Variants in OXR1 observed in about 807,000 individuals in gnomAD.
The protein encoded by OXR1 is oxidation resistance 1, also known as oxidation resistance protein 1.
In OXR1, 41 loss-of-function variants were observed where a neutral mutation model predicts 104.6. The observed-to-expected ratio is 0.39, with a 90% CI of 0.31 to 0.51. OXR1 has a LOEUF of 0.51. OXR1 is among the 20% of genes least tolerant of loss of function. The probability of loss-of-function intolerance (pLI) is 0.77; values close to 1 mark genes in which losing one functional copy is unlikely to be tolerated. For missense variants in OXR1, 955 were observed against 1,031.9 expected (o/e 0.93, Z 1.02); for synonymous variants, 348 against 348.4 (o/e 1.00, Z 0.01).
At chr8:106,491,077 A>G (rs1405761567) in intron 2 of OXR1, among the ~76,000 whole-genome samples, 1 of 152,234 alleles carries the variant, frequency 6.6e-6, no homozygotes, top group Middle Eastern at 3.4e-3. Context: ...CTCTTTTCAG[A>G]TCTGCTTCCT....
intron 3 of OXR1, chr8:106,618,197 C>A: frequency 6.5e-7 from 1 of 1,530,230 alleles, no homozygotes; most frequent in Non-Finnish European, 8.8e-7. Flanking sequence ...TGTGTAAGTG[C>A]TCTCTTAGTG....
chr8:106,718,966 CTT>C (rs964800153), intron 11 of OXR1, among the ~76,000 whole-genome samples: 9 of 152,042 alleles, frequency 5.9e-5, no homozygotes, highest in African/African-American at 1.9e-4. Flanking sequence ...GTGAACCAAA[CTT>C]ATGTTTTTGG....
intron 2 of OXR1, among the ~76,000 whole-genome samples, chr8:106,454,915 T>C (rs1367881399): frequency 1.3e-5 from 2 of 152,206 alleles, no homozygotes; most frequent in African/African-American, 2.4e-5. Flanking sequence ...TGCCACCCTC[T>C]GAGCATTTTG....
At chr8:106,406,037 T>G (rs2130492466) in intron 2 of OXR1, among the ~76,000 whole-genome samples, 1 of 152,326 alleles carries the variant, frequency 6.6e-6, no homozygotes, top group South Asian at 2.1e-4. Flanking sequence ...AATCATTCTC[T>G]TATTCCTCCA....
intron 3 of OXR1, among the ~76,000 whole-genome samples, chr8:106,528,788 C>T (rs1031847893): frequency 6.6e-6 from 1 of 152,186 alleles, no homozygotes; most frequent in East Asian, 1.9e-4. Flanking sequence ...TGACCTGGAA[C>T]GTTCTCTCCA....
chr8:106,727,057 A>ATT (rs886312140), intron 11 of OXR1, among the ~76,000 whole-genome samples: 1 of 152,210 alleles, frequency 6.6e-6, no homozygotes, highest in African/African-American at 2.4e-5. Context: ...AAATATTAAA[A>ATT]TTTTAATAGG....
At position 106,551,851 on chromosome 8, in the gene OXR1, T is replaced by C. The variant is rs1815847951; in HGVS notation, c.220+32712T>C. Among the ~76,000 whole-genome samples the C allele has an allele frequency of 3.5e-5, 4 of 112,922 alleles. No individual in the cohort carries two copies. In the Admixed American group the frequency reaches 4.0e-4, roughly 11 times the overall value. The allele number at this position is 112,922 out of a possible 152,430, so 74.1% of individuals were successfully genotyped here. Reference sequence around the variant, plus strand: ...ACATATATATATGTGTACATATATGTGTATATATATGTGTGTGTGTGTGTG... The same window carrying C: ...ACATATATATATGTGTACATATATGCGTATATATATGTGTGTGTGTGTGTG... On this transcript the variant is annotated intron_variant, in intron 3 of 16. Transcript: ENST00000517566.
chr8:106,660,884 G>A (rs1477663907), intron 3 of OXR1, among the ~76,000 whole-genome samples: 4 of 152,062 alleles, frequency 2.6e-5, no homozygotes, highest in African/African-American at 4.8e-5. Flanking sequence ...GTGGTGGTGC[G>A]TGCCTGTAAT....
intron 3 of OXR1, among the ~76,000 whole-genome samples, chr8:106,574,228 C>T (rs1801876743): frequency 6.6e-6 from 1 of 152,118 alleles, no homozygotes; most frequent in Non-Finnish European, 1.5e-5. Context: ...TTATTTTTGT[C>T]TCACACAACA....
In OXR1 at chr8:106,668,747, A is replaced by G. The variant is rs139279224; in HGVS notation, c.221-10463A>G. Among the ~76,000 whole-genome samples the G allele has an allele frequency of 1.1e-4, 17 of 152,340 alleles. No homozygotes were observed. The East Asian group carries it at 2.9e-3, about 26-fold the overall frequency. On this transcript the variant is annotated intron_variant, in intron 3 of 16. Transcript: ENST00000517566. Reference sequence around the variant, plus strand: ...TGACTAATTTAGAAACCATTATATTAGTTTGACAGATTTGAAAACTGCTGG... The same window carrying G: ...TGACTAATTTAGAAACCATTATATTGGTTTGACAGATTTGAAAACTGCTGG...
chr8:106,391,098 T>C (rs1817571322), intron 2 of OXR1, among the ~76,000 whole-genome samples: 1 of 152,160 alleles, frequency 6.6e-6, no homozygotes, highest in Non-Finnish European at 1.5e-5. Context: ...ATAATTGGAA[T>C]TGGAGAAAGT....
chr8:106,464,706 G>A (rs1821083946), intron 2 of OXR1, among the ~76,000 whole-genome samples: 1 of 151,976 alleles, frequency 6.6e-6, no homozygotes, highest in Non-Finnish European at 1.5e-5. Flanking sequence ...TTGTTGAGTG[G>A]CAGGTCTTAC....
At chr8:106,405,170 A>AG (rs1286020922) in intron 2 of OXR1, among the ~76,000 whole-genome samples, 832 of 45,316 alleles carry the variant, frequency 0.018, 60 homozygotes, top group African/African-American at 0.082. Context: ...ATATATATAT[A>AG]TATATATATA....
At chr8:106,601,399 G>A (rs1189621278) in intron 3 of OXR1, among the ~76,000 whole-genome samples, 1 of 152,138 alleles carries the variant, frequency 6.6e-6, no homozygotes, top group Non-Finnish European at 1.5e-5. Flanking sequence ...CAAGACTGAG[G>A]CGCAAGCAGA....
chr8:106,578,397 G>T (rs947384232), intron 3 of OXR1, among the ~76,000 whole-genome samples: 1 of 152,228 alleles, frequency 6.6e-6, no homozygotes, highest in African/African-American at 2.4e-5. Flanking sequence ...CAGATACTGG[G>T]ATTTGACAAG....
At chr8:106,374,810 C>A (rs1271876117) in intron 2 of OXR1, among the ~76,000 whole-genome samples, 1 of 152,154 alleles carries the variant, frequency 6.6e-6, no homozygotes, top group Non-Finnish European at 1.5e-5. Context: ...GAGCTCATAG[C>A]AGAAGGCTGA....
intron 3 of OXR1, among the ~76,000 whole-genome samples, chr8:106,626,672 C>T (rs1215648969): frequency 6.7e-6 from 1 of 150,000 alleles, no homozygotes; most frequent in Non-Finnish European, 1.5e-5. Flanking sequence ...AATTATTTCA[C>T]TTTTCTGCCA....
intron 2 of OXR1, among the ~76,000 whole-genome samples, chr8:106,390,057 C>A (rs1445121455): frequency 6.6e-6 from 1 of 151,874 alleles, no homozygotes; most frequent in Non-Finnish European, 1.5e-5. Flanking sequence ...CAGGGCAGGA[C>A]TCTGTCTCAA....
At chr8:106,347,332 AT>A (rs1815537872) in intron 1 of OXR1, among the ~76,000 whole-genome samples, 1 of 152,212 alleles carries the variant, frequency 6.6e-6, no homozygotes, top group Non-Finnish European at 1.5e-5. Context: ...GCCCTAACAA[AT>A]AATACTGCCT....
Sources: allele counts gnomAD v4.1 joint callset (sites outside exome capture counted in the v4.1 genomes callset), GRCh38; gene constraint gnomAD v4.1.1; transcripts MANE v1.5; gene names NCBI Gene and HGNC (gene_info 2026-07-23, HGNC 2026-07-21).